ASIC2: variants seen among roughly 807,000 people sequenced by gnomAD.
ASIC2 encodes acid sensing ion channel subunit 2.
ASIC2 carries 25 observed loss-of-function variants against 57.3 expected under a neutral mutation model. The observed-to-expected ratio is 0.44, with a 90% CI of 0.32 to 0.61. ASIC2 has a LOEUF of 0.61. ASIC2 is among the 20% of genes least tolerant of loss of function. The pLI, the probability that ASIC2 is intolerant of heterozygous loss-of-function variation, is 0.06. For synonymous variants in ASIC2, 319 were observed against 307.5 expected (o/e 1.04, Z -0.39); for missense variants, 641 against 738.1 (o/e 0.87, Z 1.52).
At chr17:33,565,030 G>T (rs557955551) in intron 1 of ASIC2, among the ~76,000 whole-genome samples, 7 of 152,270 alleles carry the variant, frequency 4.6e-5, no homozygotes, top group Non-Finnish European at 1.0e-4. Flanking sequence ...GTAAATCTCT[G>T]TTCGGGGATC....
intron 1 of ASIC2, among the ~76,000 whole-genome samples, chr17:34,044,682 G>A (rs1321843154): frequency 6.6e-6 from 1 of 152,190 alleles, no homozygotes; most frequent in Admixed American, 6.5e-5. Context: ...GTCCTCAGAG[G>A]ATGTGGCCTT....
intron 1 of ASIC2, among the ~76,000 whole-genome samples, chr17:33,727,000 A>T (rs1438336130): frequency 1.3e-5 from 2 of 152,152 alleles, no homozygotes; most frequent in Admixed American, 1.3e-4. Context: ...AAATCATAAC[A>T]TGCAAATTTA....
intron 1 of ASIC2, among the ~76,000 whole-genome samples, chr17:33,783,104 T>C (rs1027594194): frequency 6.6e-6 from 1 of 152,160 alleles, no homozygotes; most frequent in African/African-American, 2.4e-5. Flanking sequence ...CCCATCACTT[T>C]CCATCACCAC....
intron 1 of ASIC2, chr17:34,003,867 TGTTTCC>T (rs1906430931): frequency 6.6e-6 from 1 of 152,232 alleles, no homozygotes; most frequent in African/African-American, 2.4e-5. Context: ...AAAGACTGTG[TGTTTCC>T]GTATCATTGG....
At chr17:33,071,880 T>C (rs1322843628) in intron 3 of ASIC2, among the ~76,000 whole-genome samples, 3 of 152,230 alleles carry the variant, frequency 2.0e-5, no homozygotes, top group Non-Finnish European at 2.9e-5. Flanking sequence ...GTTTGACTAG[T>C]AGGAATAGGC....
intron 1 of ASIC2, among the ~76,000 whole-genome samples, chr17:33,137,830 AC>A (rs1030129986): frequency 6.6e-6 from 1 of 152,230 alleles, no homozygotes; most frequent in African/African-American, 2.4e-5. Flanking sequence ...CTCCAAATGT[AC>A]AAAATCCCTC....
chr17:34,019,459 A>T (rs144375480), intron 1 of ASIC2, among the ~76,000 whole-genome samples: 288 of 152,292 alleles, frequency 1.9e-3, no homozygotes, highest in African/African-American at 6.7e-3. Flanking sequence ...TTAAGAAATC[A>T]CCAAAGCCAC....
chr17:33,019,276 G>A (rs560654836), intron 7 of ASIC2, among the ~76,000 whole-genome samples: 41 of 152,020 alleles, frequency 2.7e-4, no homozygotes, highest in Non-Finnish European at 4.3e-4. Flanking sequence ...TCCCTGTCTA[G>A]GCACCCTGAG....
At chr17:33,065,901 G>A (rs1210127174) in intron 3 of ASIC2, among the ~76,000 whole-genome samples, 1 of 152,130 alleles carries the variant, frequency 6.6e-6, no homozygotes, top group Non-Finnish European at 1.5e-5. Flanking sequence ...GACGGATGAG[G>A]CCCGAAAAGT....
chr17:33,017,340 C>T (rs1024201793), intron 8 of ASIC2, among the ~76,000 whole-genome samples: 23 of 152,318 alleles, frequency 1.5e-4, no homozygotes, highest in African/African-American at 5.3e-4. Flanking sequence ...CCCCATCCTT[C>T]CCTGCCAGTG....
At position 33,278,935 on chromosome 17, in the gene ASIC2, G is replaced by A. The variant is rs187047985; in HGVS notation, c.708+12473C>T. ...GGAAGGGGAACCTGACTCAATGCAC[G>A]GGATTGCAATAAAAGACCGAGAAAG... On this transcript the variant is annotated intron_variant, in intron 1 of 9. Transcript: ENST00000225823. 4.9e-4 allele frequency among the ~76,000 whole-genome samples: 74 copies of A among 152,170 alleles called. 1 individual carries two copies. In the Middle Eastern group the frequency reaches 0.014, roughly 28 times the overall value.
At chr17:33,187,389 A>C (rs1906239053) in intron 1 of ASIC2, among the ~76,000 whole-genome samples, 1 of 152,232 alleles carries the variant, frequency 6.6e-6, no homozygotes. Flanking sequence ...AGCAGGATGC[A>C]GAAAATGCTT....
Position 33,292,621 on chromosome 17 carries a change from G to A in ASIC2, c.-506C>T. 1.0e-6 allele frequency: 1 copy of A among 985,626 alleles called. No individual in the cohort carries two copies. Among genetic ancestry groups the A allele is most frequent in the Non-Finnish European group, 1.2e-6 (1 of 830,088 alleles). The allele number at this position is 985,626 out of a possible 1,614,324, so 61.1% of individuals were successfully genotyped here. On this transcript the variant is annotated 5_prime_UTR_variant, in exon 1 of 10. Transcript: ENST00000225823. ...CATCCCCAGGGACCCCACCAGCCCG[G>A]CCCGTAGCCCAGCGGTGCTGGGACA... is the stretch of plus-strand genomic sequence containing the variant.
At chr17:33,235,649 C>T (rs746016512) in intron 1 of ASIC2, among the ~76,000 whole-genome samples, 5 of 152,118 alleles carry the variant, frequency 3.3e-5, no homozygotes, top group African/African-American at 7.2e-5. Flanking sequence ...GCCCTGTCTA[C>T]GTCTTTGCAG....
chr17:33,089,088 G>C, intron 2 of ASIC2, 98 bp from the exon 3 acceptor site: 2 of 1,498,240 alleles, frequency 1.3e-6, no homozygotes, highest in Admixed American at 2.0e-5. Flanking sequence ...AAAAGACCCT[G>C]TGATAAGCAG....
At chr17:33,112,356 G>T (rs2092262087) in intron 1 of ASIC2, among the ~76,000 whole-genome samples, 1 of 152,128 alleles carries the variant, frequency 6.6e-6, no homozygotes, top group African/African-American at 2.4e-5. Flanking sequence ...TTCACTTCCA[G>T]GCATTAAATG....
At chr17:33,751,288 G>A (rs372097494) in intron 1 of ASIC2, among the ~76,000 whole-genome samples, 22 of 152,328 alleles carry the variant, frequency 1.4e-4, no homozygotes, top group African/African-American at 5.1e-4. Flanking sequence ...CCCTGACACG[G>A]CACCAATGTG....
At position 33,363,157 on chromosome 17, in the gene ASIC2, C is replaced by T. The variant is rs1019148356; in HGVS notation, c.556-251090G>A. Among the ~76,000 whole-genome samples the T allele has an allele frequency of 3.3e-5, 5 of 152,076 alleles. No individual in the cohort carries two copies. The South Asian group carries it at 1.0e-3, about 32-fold the overall frequency. On this transcript the variant is annotated intron_variant, in intron 1 of 9. Transcript: ENST00000359872. ...ATAATGAGGGGGGAAGAAAAGAGGT[C>T]ACTAGTAAACTTTTACATTTCAAAA...
At chr17:33,525,577 T>C (rs935073378) in intron 1 of ASIC2, among the ~76,000 whole-genome samples, 1 of 152,208 alleles carries the variant, frequency 6.6e-6, no homozygotes, top group Non-Finnish European at 1.5e-5. Flanking sequence ...TCCCTCACTT[T>C]ATCTCCATCT....
Sources: allele counts gnomAD v4.1 joint callset (sites outside exome capture counted in the v4.1 genomes callset), GRCh38; gene constraint gnomAD v4.1.1; transcripts MANE v1.5; gene names NCBI Gene and HGNC (gene_info 2026-07-23, HGNC 2026-07-21).